DCHS1: variants seen among roughly 807,000 people sequenced by gnomAD.
The protein encoded by DCHS1 is dachsous cadherin-related 1, also known as protocadherin-16.
Under a neutral mutation model 213.9 loss-of-function variants are expected in DCHS1, and 78 were observed. The observed-to-expected ratio is 0.36, with a 90% CI of 0.30 to 0.44. The LOEUF (loss-of-function observed/expected upper bound fraction) is 0.44, where lower values mean the gene tolerates loss of function less well. DCHS1 is among the 20% of genes least tolerant of loss of function. DCHS1 has a pLI of 1.00. For synonymous variants in DCHS1, 1,828 were observed against 1,873.7 expected, an observed-to-expected ratio of 0.98 and a Z score of 0.63; for missense variants, 3,946 against 4,395.9, an observed-to-expected ratio of 0.90 and a Z score of 2.89.
rs767452232 is a variant in DCHS1, at chr11:6,623,203, C to T, written c.8473G>A (p.Gly2825Ser). 1 of 1,601,480 alleles carries T rather than the reference C, an allele frequency of 6.2e-7. No homozygotes were observed. The highest frequency in any genetic ancestry group is 8.5e-7 in the Non-Finnish European group (1 of 1,173,882). Residue 2825 changes from glycine to serine, a missense_variant, in exon 21 of 21, where the codon GGT becomes AGT. Physicochemically the swap from Gly to Ser is moderately conservative, Grantham distance 56. Coordinates refer to ENST00000299441, the MANE Select transcript of DCHS1 (RefSeq NM_003737.4). ...CCCAAGCTGTGGCCACGCCGGGCAC[C>T]TTCGGGCACTTGGAAGTGGAAAGCT... ...APAFHFQVPE[G>S]ARRGHSLGHV...
In DCHS1 at chr11:6,622,365, G is replaced by A; in HGVS notation, c.9311C>T (p.Ala3104Val). The A allele has an allele frequency of 6.3e-7, 1 of 1,576,360 alleles. No homozygotes were observed. Among genetic ancestry groups the A allele is most frequent in the Non-Finnish European group, 8.6e-7 (1 of 1,160,938 alleles). ...GGGCCCCTCCTCTCTGTAGAGAGTG[G>A]CTCCTGCACCTGGCAGCAGCAGCCC... ...KAGLLLPGAG[A>V]TLYREEGPPA... The change falls in exon 21 of 21, where the codon GCC becomes GTC. Residue 3104 changes from alanine (A) to valine (V), a missense_variant. Around this residue, in one of 3 missense-constraint regions of DCHS1, gnomAD observed 554 missense variants for 590.2 expected, o/e 0.94. Coordinates refer to ENST00000299441, the MANE Select transcript of DCHS1 (RefSeq NM_003737.4). The surrounding 1 kb of genome is among the most constrained non-coding windows in gnomAD (Gnocchi z 5.4).
Position 6,626,960 on chromosome 11 carries a change from C to T in DCHS1, c.6079G>A (p.Val2027Ile), listed in dbSNP as rs767547800. Residue 2027 changes from valine (V) to isoleucine (I), a missense_variant, in exon 14 of 21, where the codon GTA becomes ATA. Val to Ile is a conservative substitution (Grantham distance 29, BLOSUM62 3). Transcript: ENST00000299441. The surrounding 1 kb of genome is among the most constrained non-coding windows in gnomAD (Gnocchi z 5.2). ...ACACGATCTCGGGGGCCTAGAGCTA[C>T]AGGAGAGCGGGCCACGCGGATTTCA... ...TGEIRVARSP[V>I]ALGPRDRVLF... 2.5e-6 allele frequency: 4 copies of T among 1,613,644 alleles called. No individual in the cohort carries two copies. The highest frequency in any genetic ancestry group is 3.4e-6 in the Non-Finnish European group (4 of 1,179,894).
In DCHS1 at chr11:6,640,779, C is replaced by A; in HGVS notation, c.835G>T (p.Ala279Ser). 6.2e-7 allele frequency: 1 copy of A among 1,614,002 alleles called. No homozygotes were observed. ...TTGACACCAGCATCGGCATCAGATG[C>A]GAACACCTGCAAGACAGGACTGCCA... is the stretch of plus-strand genomic sequence containing the variant. ...APGSPVLQVF[A>S]SDADAGVNGA... Residue 279 changes from alanine to serine, a missense_variant, in exon 2 of 21, where the codon GCA becomes TCA. Physicochemically the swap from Ala to Ser is moderately conservative, Grantham distance 99. Transcript: ENST00000299441. This position sits in a 1 kb window ranked among gnomAD's most constrained non-coding sequence, Gnocchi z 6.5.
At position 6,626,181 on chromosome 11, in the gene DCHS1, C is replaced by A; in HGVS notation, c.6564G>T (p.Gly2188=). The A allele has an allele frequency of 1.9e-6, 3 of 1,607,102 alleles. No homozygotes were observed. Among genetic ancestry groups the A allele is most frequent in the Non-Finnish European group, 1.7e-6 (2 of 1,176,810 alleles). Residue 2188 remains glycine, a synonymous_variant, in exon 16 of 21, where the codon GGG becomes GGT. Transcript: ENST00000299441. The surrounding 1 kb of genome is among the most constrained non-coding windows in gnomAD (Gnocchi z 5.2). ...TCACACCCCGCACCTGCAGCAGGGG[C>A]CCCTCCAAGGGCCGGGACTCAGGAA... ...AFLPESRPLE[G]PLLQVEADDL...
Position 6,629,879 on chromosome 11 carries a change from C to T in DCHS1, c.4828G>A (p.Glu1610Lys), listed in dbSNP as rs1486705624. ...GTCAGTACGTGCTCAGCTCGTTGTT[C>T]GCGGTCCAACGGCCGCACCACGGAC... ...ALSVVRPLDR[E>K]QRAEHVLTVV... Residue 1610 changes from glutamate to lysine, a missense_variant, in exon 11 of 21, where the codon GAA (glutamate) becomes AAA (lysine). Around this residue, in one of 3 missense-constraint regions of DCHS1, gnomAD observed 3,384 missense variants for 3,780.1 expected, o/e 0.90. Coordinates refer to ENST00000299441, the MANE Select transcript of DCHS1 (RefSeq NM_003737.4). The T allele has an allele frequency of 6.2e-7, 1 of 1,612,680 alleles. No homozygotes were observed. Among genetic ancestry groups the T allele is most frequent in the African/African-American group, 1.3e-5 (1 of 74,950 alleles).
chr11:6,622,625 T>C lies in DCHS1; in HGVS notation c.9051A>G (p.Gly3017=), dbSNP rs1427550075. 4 of 1,583,894 alleles carry C rather than the reference T, an allele frequency of 2.5e-6. No homozygotes were observed. Among genetic ancestry groups the C allele is most frequent in the Non-Finnish European group, 3.4e-6 (4 of 1,165,506 alleles). Residue 3017 remains glycine, a synonymous_variant, in exon 21 of 21, where the codon GGA becomes GGG. Coordinates refer to ENST00000299441, the MANE Select transcript of DCHS1 (RefSeq NM_003737.4). This position sits in a 1 kb window ranked among gnomAD's most constrained non-coding sequence, Gnocchi z 5.4. ...LPSYGGPGAG[G]PYPRGGSLDP... is the part of the protein sequence containing the mutation. ...CCAAGGAGCCACCACGGGGGTAGGG[T>C]CCTCCAGCTCCTGGCCCACCATAGC...
intron 1 of DCHS1, among the ~76,000 whole-genome samples, chr11:6,642,193 C>T (rs1856087999): frequency 3.3e-5 from 5 of 152,174 alleles, no homozygotes; most frequent in African/African-American, 1.2e-4. Flanking sequence ...TCCCCACCCA[C>T]CACCCTGCTG....
At position 6,630,613 on chromosome 11, in the gene DCHS1, A is replaced by G; in HGVS notation, c.4181T>C (p.Leu1394Pro). The part of the protein sequence containing the change: ...ASGRLYLARP[L>P]DFEAGPPWRA... ...CCACGGCGGGCCAGCTTCGAAGTCCAGGGGCCGCGCCAGGTACAAGCGCCC... is the reference window on the plus strand; with the variant it reads ...CCACGGCGGGCCAGCTTCGAAGTCCGGGGGCCGCGCCAGGTACAAGCGCCC... Residue 1394 changes from leucine (L) to proline (P), a missense_variant, in exon 10 of 21, where the codon CTG becomes CCG. Physicochemically the swap from Leu to Pro is moderately conservative, Grantham distance 98. This residue lies in a region of DCHS1 where 3,384 missense variants were observed against 3,780.1 expected (regional missense o/e 0.90). Coordinates refer to ENST00000299441, the MANE Select transcript of DCHS1 (RefSeq NM_003737.4). The G allele has an allele frequency of 1.3e-6, 2 of 1,541,464 alleles. No individual in the cohort carries two copies. Among genetic ancestry groups the G allele is most frequent in the Non-Finnish European group, 1.7e-6 (2 of 1,150,164 alleles).
rs1454887716 is a variant in DCHS1, at chr11:6,630,821, C to T, written c.3973G>A (p.Ala1325Thr). 2.0e-6 allele frequency: 3 copies of T among 1,533,436 alleles called. No individual in the cohort carries two copies. The highest frequency in any genetic ancestry group is 2.4e-5 in the East Asian group (1 of 41,420). 95.0% of individuals were successfully genotyped at this position (1,533,436 alleles called of 1,614,324 possible). A position where few individuals can be genotyped will look rare whatever the true frequency, so the allele number is the denominator to read the frequency against. The change falls in exon 10 of 21, where the codon GCA (alanine) becomes ACA (threonine). Residue 1325 changes from alanine to threonine, a missense_variant. Ala to Thr is a moderately conservative substitution (Grantham distance 58). Around this residue, in one of 3 missense-constraint regions of DCHS1, gnomAD observed 3,384 missense variants for 3,780.1 expected, o/e 0.90. Transcript: ENST00000299441. The stretch of plus-strand genomic sequence containing the variant: ...ACTGGTGCCGCTGGGTCCCGCTCTG[C>T]GAGATCTGGGGGCGGCTCGGCCAAG... ...ARLAEPPPDL[A>T]ERDPAAPVPV... is the part of the protein sequence containing the mutation.
At chr11:6,639,185 T>A (rs995202153) in intron 2 of DCHS1, among the ~76,000 whole-genome samples, 1 of 152,198 alleles carries the variant, frequency 6.6e-6, no homozygotes, top group Admixed American at 6.5e-5. Flanking sequence ...GTTCAAGGAC[T>A]TCTGCAACCT....
chr11:6,631,981 AG>A, intron 6 of DCHS1, 49 bp downstream of exon 6: 1 of 1,483,802 alleles, frequency 6.7e-7, no homozygotes, highest in African/African-American at 1.4e-5. Flanking sequence ...AATGTTCACC[AG>A]GCTGGGGATA....
In DCHS1 at chr11:6,622,100, T is replaced by C; in HGVS notation, c.9576A>G (p.Pro3192=). Residue 3192 remains proline (P), a synonymous_variant, in exon 21 of 21, where the codon CCA becomes CCG. Transcript: ENST00000299441. The surrounding 1 kb of genome is among the most constrained non-coding windows in gnomAD (Gnocchi z 5.4). The part of the protein sequence containing the change: ...EIARLKDEAR[P]CPPAPRIDPP... The stretch of plus-strand genomic sequence containing the variant: ...GGTCGATACGGGGAGCTGGGGGACA[T>C]GGCCGAGCTTCATCCTTGAGCCGAG... 3 of 1,613,204 alleles carry C rather than the reference T, an allele frequency of 1.9e-6. No individual in the cohort carries two copies. The highest frequency in any genetic ancestry group is 2.5e-6 in the Non-Finnish European group (3 of 1,179,818).
Position 6,629,909 on chromosome 11 carries a change from C to A in DCHS1, c.4798G>T (p.Ala1600Ser), listed in dbSNP as rs1019051197. The A allele has an allele frequency of 3.7e-6, 6 of 1,611,138 alleles. No homozygotes were observed. The highest frequency in any genetic ancestry group is 2.2e-5 in the East Asian group (1 of 44,816). Reference protein sequence around the residue: ...GHFRLHSSTGALSVVRPLDRE... With the variant: ...GHFRLHSSTGSLSVVRPLDRE... The stretch of plus-strand genomic sequence containing the variant: ...TCCAACGGCCGCACCACGGACAGCG[C>A]TCCTAGGTGAGCGGTAAGGCAGGTT... Residue 1600 changes from alanine (A) to serine (S), a missense_variant and splice_region_variant, in exon 11 of 21, where the codon GCG (alanine) becomes TCG (serine). Physicochemically the swap from Ala to Ser is moderately conservative, Grantham distance 99 (BLOSUM62 1). Transcript: ENST00000299441.
rs759965401 is a variant in DCHS1 at position 6,630,237 on chromosome 11, G to A, written c.4557C>T (p.Pro1519=). 7 of 1,550,680 alleles carry A rather than the reference G, an allele frequency of 4.5e-6. No individual in the cohort carries two copies. Among genetic ancestry groups the A allele is most frequent in the South Asian group, 1.2e-5 (1 of 84,900 alleles). Residue 1519 remains proline, a synonymous_variant, in exon 10 of 21, where the codon CCC becomes CCT. Coordinates refer to ENST00000299441, the MANE Select transcript of DCHS1 (RefSeq NM_003737.4). ...CTGCACGACGGCGGCTGGCGTTGGC[G>A]GGCCGGTCGGTGGCTTCCACCAGCA... ...LLLLVEATDR[P]ANASRRRAAR... is the part of the protein sequence containing the mutation.
chr11:6,638,262 G>A (rs1014061134), intron 2 of DCHS1, among the ~76,000 whole-genome samples: 1 of 152,206 alleles, frequency 6.6e-6, no homozygotes, highest in Non-Finnish European at 1.5e-5. Flanking sequence ...CTAAGCACCA[G>A]CCTCCTAAGA....
chr11:6,625,500 G>T lies in DCHS1; in HGVS notation c.6863-19C>A, dbSNP rs146143895. ...AACGCATCTGGAATACATGAGACTA[G>T]TGTGTTTGGCAATGGACACAGCCCC... On this transcript the variant is annotated intron_variant, in intron 18 of 20. Transcript: ENST00000299441. The surrounding 1 kb of genome is among the most constrained non-coding windows in gnomAD (Gnocchi z 5.3). 700 of 1,606,994 alleles carry T rather than the reference G, an allele frequency of 4.4e-4. 1 individual carries two copies. The African/African-American group carries it at 8.4e-3, about 19-fold the overall frequency.
chr11:6,629,661 C>A lies in DCHS1; in HGVS notation c.5035+11G>T, dbSNP rs200315098. ...TCCATCCCACTCATAATTCACCCCC[C>A]CAGGTCTTACCCACGTCGGGGTCGG... On this transcript the variant is annotated intron_variant, in intron 11 of 20. Transcript: ENST00000299441. 7.4e-6 allele frequency: 12 copies of A among 1,612,990 alleles called. No homozygotes were observed. The East Asian group carries it at 2.7e-4, about 36-fold the overall frequency.
In DCHS1 at chr11:6,624,322, G is replaced by A; in HGVS notation, c.7354C>T (p.Leu2452=). ...GGAGCCCCGTGGTCTCGTGCTTCCA[G>A]CACCACATCCACTGCTCCTGACCCG... ...HDGSGAVDVV[L]EARDHGAPGR... is the part of the protein sequence containing the mutation. The change falls in exon 21 of 21, where the codon CTG becomes TTG. Residue 2452 remains leucine (L), a synonymous_variant. Transcript: ENST00000299441. 6.3e-7 allele frequency: 1 copy of A among 1,583,750 alleles called. No individual in the cohort carries two copies. Among genetic ancestry groups the A allele is most frequent in the Non-Finnish European group, 8.6e-7 (1 of 1,165,762 alleles).
At chr11:6,631,914 G>A (rs1477084356) in intron 6 of DCHS1, 105 bp from the exon 7 acceptor site, 1 of 1,445,972 alleles carries the variant, frequency 6.9e-7, no homozygotes, top group African/African-American at 1.4e-5. Flanking sequence ...GGAATGCCAG[G>A]GCTAAATCCT....
Sources: gnomAD v4.1 joint callset for allele counts (sites outside exome capture counted in the v4.1 genomes callset) on GRCh38, gnomAD v4.1.1 for gene constraint, gnomAD v4.1.1 regional missense constraint, Gnocchi (gnomAD v3.1) non-coding constraint, MANE v1.5 for transcripts, NCBI Gene and HGNC (gene_info 2026-07-23, HGNC 2026-07-21) for gene names.